POLR2B: variants seen among roughly 807,000 people sequenced by gnomAD.
POLR2B encodes the protein DNA-directed RNA polymerase II subunit RPB2.
Under a neutral mutation model 144.6 loss-of-function variants are expected in POLR2B, and 57 were observed. The ratio of observed to expected loss-of-function variants is 0.39; its 90% CI spans 0.32 to 0.49. The LOEUF (loss-of-function observed/expected upper bound fraction) is 0.49. Ranked by LOEUF, POLR2B falls within the 20% of genes least tolerant of loss-of-function variation. The probability of loss-of-function intolerance (pLI) is 0.83; values close to 1 mark genes in which losing one functional copy is unlikely to be tolerated. For synonymous variants in POLR2B, 442 were observed against 469.8 expected (o/e 0.94, Z 0.77); for missense variants, 595 against 1,467.4 (o/e 0.41, Z 9.71).
At position 57,016,198 on chromosome 4, in the gene POLR2B, T is replaced by C. The variant is rs570936345; in HGVS notation, c.1955+542T>C. 2.6e-5 allele frequency among the ~76,000 whole-genome samples: 4 copies of C among 152,368 alleles called. No individual in the cohort carries two copies. The South Asian group carries it at 8.3e-4, about 32-fold the overall frequency. ...GTATCCTTAGGAGTCACATTTGTTT[T>C]TCTTAACTTCTATTATGAAGCAAGA... On this transcript the variant is annotated intron_variant, in intron 14 of 24. Coordinates refer to ENST00000314595, the MANE Select transcript of POLR2B (RefSeq NM_000938.3).
chr4:57,006,461 C>T (rs1723021101), intron 9 of POLR2B, among the ~76,000 whole-genome samples: 3 of 152,160 alleles, frequency 2.0e-5, no homozygotes, highest in Admixed American at 2.0e-4. Context: ...TGTGCCATCA[C>T]ACCCAGCTAA....
Position 57,017,616 on chromosome 4 carries a change from C to T in POLR2B, c.2211C>T (p.Ile737=), listed in dbSNP as rs1330391858. The change falls in exon 16 of 25, where the codon ATC becomes ATT. Residue 737 remains isoleucine, a synonymous_variant. Coordinates refer to ENST00000314595, the MANE Select transcript of POLR2B (RefSeq NM_000938.3). This position sits in a 1 kb window ranked among gnomAD's most constrained non-coding sequence, Gnocchi z 4.8. The part of the protein sequence containing the change: ...AMGKQAMGVY[I]TNFHVRMDTL... ...GTAAGCAGGCTATGGGAGTTTACAT[C>T]ACCAACTTCCATGTTCGCATGGACA... The T allele has an allele frequency of 6.2e-7, 1 of 1,613,380 alleles. No individual in the cohort carries two copies. The highest frequency in any genetic ancestry group is 1.7e-5 in the Admixed American group (1 of 60,014).
At chr4:57,015,160 A>G (rs1723326533) in intron 13 of POLR2B, among the ~76,000 whole-genome samples, 1 of 152,216 alleles carries the variant, frequency 6.6e-6, no homozygotes, top group Admixed American at 6.5e-5. Context: ...GAAAGGTTAC[A>G]GGGTGAGATA....
intron 23 of POLR2B, among the ~76,000 whole-genome samples, chr4:57,029,070 T>TTTTGTTTG (rs538843269): frequency 6.6e-6 from 1 of 152,218 alleles, no homozygotes; most frequent in Admixed American, 6.5e-5. Flanking sequence ...CATTGCTGTT[T>TTTTGTTTG]TTTGTTTGTT....
chr4:57,013,378 T>G (rs570379720), intron 13 of POLR2B, among the ~76,000 whole-genome samples: 1 of 143,204 alleles, frequency 7.0e-6, no homozygotes, highest in Non-Finnish European at 1.6e-5. Flanking sequence ...AAAAAATGTC[T>G]CTCTCTGTCT....
At chr4:56,985,292 T>A in intron 1 of POLR2B, 1 of 981,424 alleles carries the variant, frequency 1.0e-6, no homozygotes, top group Non-Finnish European at 1.2e-6. Context: ...TGGAGTGCAG[T>A]GGCGCGATCT....
At chr4:57,026,520 A>G (rs1397157069) in intron 23 of POLR2B, among the ~76,000 whole-genome samples, 4 of 152,216 alleles carry the variant, frequency 2.6e-5, no homozygotes, top group African/African-American at 9.7e-5. Flanking sequence ...GTATTTATTG[A>G]TATTTATCAT....
intron 13 of POLR2B, among the ~76,000 whole-genome samples, chr4:57,011,684 G>C (rs1045483221): frequency 1.3e-5 from 2 of 151,906 alleles, no homozygotes; most frequent in East Asian, 1.9e-4. Flanking sequence ...TTAGCTGGGC[G>C]TGGTGGCGCG....
At chr4:56,984,837 G>C (rs78145694) in intron 1 of POLR2B, among the ~76,000 whole-genome samples, 3,758 of 152,136 alleles carry the variant, frequency 0.025, 57 homozygotes, top group Middle Eastern at 0.044. Context: ...AAGAAGATGG[G>C]ACTAATATTA....
chr4:57,005,099 T>G, intron 7 of POLR2B, 147 bp from the exon 8 acceptor site: 1 of 490,852 alleles, frequency 2.0e-6, no homozygotes, highest in Non-Finnish European at 3.6e-6. Flanking sequence ...CTTCTAAGAG[T>G]TTGTGATTCC....
At chr4:57,027,319 C>CT (rs974974950) in intron 23 of POLR2B, among the ~76,000 whole-genome samples, 22 of 151,282 alleles carry the variant, frequency 1.5e-4, no homozygotes, top group African/African-American at 5.3e-4. Flanking sequence ...CACCCCTTCC[C>CT]TTTTTTTGAG....
chr4:56,983,319 C>G (rs1722213862), intron 1 of POLR2B, among the ~76,000 whole-genome samples: 2 of 150,192 alleles, frequency 1.3e-5, no homozygotes, highest in Admixed American at 6.7e-5. Flanking sequence ...ACCTTTGTCC[C>G]TTCCTTTTGC....
chr4:57,019,392 G>C (rs1343747722), intron 16 of POLR2B, among the ~76,000 whole-genome samples: 1 of 150,992 alleles, frequency 6.6e-6, no homozygotes, highest in Non-Finnish European at 1.5e-5. Flanking sequence ...TTTTTGTAGA[G>C]ATAGGGTCTA....
intron 6 of POLR2B, among the ~76,000 whole-genome samples, chr4:56,996,991 C>T (rs771786027): frequency 8.5e-5 from 13 of 152,100 alleles, no homozygotes; most frequent in Admixed American, 3.3e-4. Flanking sequence ...CCCGGTTACT[C>T]GGGAAGCTGA....
intron 1 of POLR2B, among the ~76,000 whole-genome samples, chr4:56,986,011 A>C (rs918002943): frequency 6.6e-6 from 1 of 152,242 alleles, no homozygotes; most frequent in Non-Finnish European, 1.5e-5. Context: ...GCCCCACCTT[A>C]GGGTATTGCC....
intron 1 of POLR2B, 68 bp downstream of exon 1, chr4:56,979,072 G>C: frequency 6.5e-7 from 1 of 1,527,492 alleles, no homozygotes; most frequent in Non-Finnish European, 9.1e-7. Context: ...GAACTGATTG[G>C]ATTGAGGATT....
At chr4:57,010,614 TAA>T in intron 11 of POLR2B, 110 bp downstream of exon 11, 1 of 1,359,754 alleles carries the variant, frequency 7.4e-7, no homozygotes, top group Non-Finnish European at 1.0e-6. Flanking sequence ...GGTTTAGAAA[TAA>T]GTTTTTTTTA....
At chr4:56,986,629 C>T (rs1211295465) in intron 2 of POLR2B, 1 of 414,544 alleles carries the variant, frequency 2.4e-6, no homozygotes, top group Non-Finnish European at 4.2e-6. Context: ...AAATGTTACC[C>T]TGTACTACAT....
At chr4:57,027,708 G>T (rs1230869751) in intron 23 of POLR2B, among the ~76,000 whole-genome samples, 2 of 152,196 alleles carry the variant, frequency 1.3e-5, no homozygotes, top group African/African-American at 4.8e-5. Context: ...TGAACCTTCT[G>T]TATTTATGTT....
Sources: allele counts gnomAD v4.1 joint callset (sites outside exome capture counted in the v4.1 genomes callset), GRCh38; gene constraint gnomAD v4.1.1; non-coding constraint Gnocchi (gnomAD v3.1); transcripts MANE v1.5; gene names NCBI Gene and HGNC (gene_info 2026-07-23, HGNC 2026-07-21).